The following ITGB8 variants were observed in gnomAD, a reference collection of about 807,000 sequenced individuals.
ITGB8 encodes integrin beta-8.
Under a neutral mutation model 89.5 loss-of-function variants are expected in ITGB8, and 30 were observed. The ratio of observed to expected loss-of-function variants is 0.34; its 90% confidence interval spans 0.25 to 0.45. The LOEUF (loss-of-function observed/expected upper bound fraction) is 0.45, where lower values mean the gene tolerates loss of function less well. Among genes scored for constraint, ITGB8 ranks in the 20% least tolerant of loss-of-function variants. ITGB8 has a pLI of 1.00. For missense variants in ITGB8, 836 were observed against 933.3 expected (o/e 0.90, Z 1.36); for synonymous variants, 335 against 320.4 (o/e 1.05, Z -0.49).
At chr7:20,360,495 C>T (rs2127939017) in intron 1 of ITGB8, among the ~76,000 whole-genome samples, 1 of 152,008 alleles carries the variant, frequency 6.6e-6, no homozygotes, top group East Asian at 1.9e-4. Flanking sequence ...ATCCCTCAGC[C>T]CTCTCCCAAA....
intron 1 of ITGB8, among the ~76,000 whole-genome samples, chr7:20,355,481 C>T (rs1188473385): frequency 1.3e-5 from 2 of 152,170 alleles, no homozygotes; most frequent in Non-Finnish European, 2.9e-5. Context: ...CATTATTGTA[C>T]TACCTCCTTC....
chr7:20,373,997 C>G (rs187858458), intron 3 of ITGB8, among the ~76,000 whole-genome samples: 4 of 152,290 alleles, frequency 2.6e-5, no homozygotes, highest in African/African-American at 9.6e-5. Flanking sequence ...AACTCTCCTC[C>G]ATGTCTTCTT....
chr7:20,411,927 TG>T lies in ITGB8; in HGVS notation c.*1932del, dbSNP rs994378971. On this transcript the variant is annotated 3_prime_UTR_variant, in exon 14 of 14. Transcript: ENST00000222573. ...TTTATTTACACTTACCTTATCCCTA[TG>T]GACTTAGTCTGATTTTATTGGCTAG... 6.6e-6 allele frequency: 1 copy of T among 152,646 alleles called. No homozygotes were observed. Among genetic ancestry groups the T allele is most frequent in the African/African-American group, 2.4e-5 (1 of 41,474 alleles). 9.5% of individuals were successfully genotyped at this position (152,646 alleles called of 1,614,324 possible).
chr7:20,367,413 T>C (rs1785746275), intron 3 of ITGB8, among the ~76,000 whole-genome samples: 1 of 152,158 alleles, frequency 6.6e-6, no homozygotes, highest in Admixed American at 6.5e-5. Context: ...ATGTGTTCTG[T>C]TCACATAATC....
At chr7:20,343,166 G>A (rs1784818738) in intron 1 of ITGB8, among the ~76,000 whole-genome samples, 1 of 152,196 alleles carries the variant, frequency 6.6e-6, no homozygotes, top group South Asian at 2.1e-4. Flanking sequence ...GAAATGGGAT[G>A]TTGGATATTG....
intron 2 of ITGB8, chr7:20,366,026 C>G (rs1290418061): frequency 6.6e-6 from 1 of 152,030 alleles, no homozygotes; most frequent in Non-Finnish European, 1.5e-5. Context: ...AGTTTGCTTG[C>G]ACTATTATGT....
chr7:20,407,600 C>T (rs1264846977), intron 12 of ITGB8, among the ~76,000 whole-genome samples: 1 of 152,132 alleles, frequency 6.6e-6, no homozygotes, highest in African/African-American at 2.4e-5. Flanking sequence ...CTCACATCCA[C>T]ACTGATCTTA....
intron 5 of ITGB8, chr7:20,381,469 C>A: frequency 6.9e-6 from 2 of 289,396 alleles, no homozygotes; most frequent in Non-Finnish European, 6.4e-6. Context: ...GCCTCTCCTA[C>A]TTTTTAATCT....
At chr7:20,360,461 A>G (rs1272013562) in intron 1 of ITGB8, among the ~76,000 whole-genome samples, 1 of 129,498 alleles carries the variant, frequency 7.7e-6, no homozygotes, top group East Asian at 2.4e-4. Flanking sequence ...CAAATTGTGT[A>G]CATTACACAA....
At chr7:20,389,945 T>G (rs975932719) in intron 6 of ITGB8, among the ~76,000 whole-genome samples, 1 of 152,172 alleles carries the variant, frequency 6.6e-6, no homozygotes, top group Admixed American at 6.5e-5. Flanking sequence ...CTTCATTAGT[T>G]GGTTTCATAT....
rs1264191915 is a variant in ITGB8 at position 20,370,677 on chromosome 7, C to G, written c.388+3491C>G. ...CCAGGCTGGAATACAGTGGTGCGAT[C>G]TCAGCTCGCTGCAACCTCTGCCTCC... On this transcript the variant is annotated intron_variant, in intron 3 of 13. Transcript: ENST00000222573. 2.0e-5 allele frequency among the ~76,000 whole-genome samples: 3 copies of G among 151,848 alleles called. No homozygotes were observed. The East Asian group carries it at 5.8e-4, about 29-fold the overall frequency.
chr7:20,408,897 T>A (rs1787655968), intron 12 of ITGB8, among the ~76,000 whole-genome samples: 1 of 152,166 alleles, frequency 6.6e-6, no homozygotes, highest in Non-Finnish European at 1.5e-5. Flanking sequence ...TATTTATTCT[T>A]AAAATACACA....
In ITGB8 at chr7:20,414,719, C is replaced by T. The variant is rs1394550256; in HGVS notation, c.*4722C>T. 2 of 152,490 alleles carry T rather than the reference C, an allele frequency of 1.3e-5. No individual in the cohort carries two copies. The highest frequency in any genetic ancestry group is 2.9e-5 in the Non-Finnish European group (2 of 67,968). The allele number at this position is 152,490 out of a possible 1,614,324, so 9.4% of individuals were successfully genotyped here. ...AGCTTATGTAACGACTGTTATAAAACTGCATATTTAAATTATTTGAATTAT... is the reference window on the plus strand; with the variant it reads ...AGCTTATGTAACGACTGTTATAAAATTGCATATTTAAATTATTTGAATTAT... On this transcript the variant is annotated 3_prime_UTR_variant, in exon 14 of 14. Transcript: ENST00000222573.
rs528099051 is a variant in ITGB8, at chr7:20,373,586, T to C, written c.389-5465T>C. 2.0e-5 allele frequency among the ~76,000 whole-genome samples: 3 copies of C among 152,322 alleles called. No individual in the cohort carries two copies. The East Asian group carries it at 5.8e-4, about 29-fold the overall frequency. On this transcript the variant is annotated intron_variant, in intron 3 of 13. Coordinates refer to ENST00000222573, the MANE Select transcript of ITGB8 (RefSeq NM_002214.3). ...TCACCTGTTTCTTAATTTCAAAATT[T>C]AGAAAACAAAACAGAACTTGCACAT...
intron 1 of ITGB8, among the ~76,000 whole-genome samples, chr7:20,339,532 G>C (rs1006496910): frequency 2.6e-5 from 4 of 152,002 alleles, no homozygotes; most frequent in Admixed American, 2.0e-4. Context: ...ATTCTTGCTA[G>C]GAAACTACTA....
intron 1 of ITGB8, among the ~76,000 whole-genome samples, chr7:20,338,202 G>C (rs1464827512): frequency 6.6e-6 from 1 of 152,180 alleles, no homozygotes; most frequent in African/African-American, 2.4e-5. Flanking sequence ...AAGGAAGATA[G>C]AACTTATTTT....
In ITGB8 at chr7:20,401,906, C is replaced by T; in HGVS notation, c.1467C>T (p.Ser489=). 1 of 1,613,954 alleles carries T rather than the reference C, an allele frequency of 6.2e-7. No individual in the cohort carries two copies. ...GKCVDETFLD[S]KCFQCDENKC... ...GTGTAGATGAAACTTTTCTAGATTC[C>T]AAGTGTTTCCAGTGTGATGAGAATA... The change falls in exon 10 of 14, where the codon TCC becomes TCT. Residue 489 remains serine (S), a synonymous_variant. Transcript: ENST00000222573.
At chr7:20,354,951 T>C (rs901978202) in intron 1 of ITGB8, among the ~76,000 whole-genome samples, 2 of 152,194 alleles carry the variant, frequency 1.3e-5, no homozygotes, top group Non-Finnish European at 2.9e-5. Flanking sequence ...TACACTCTAA[T>C]CATTTATCAC....
intron 3 of ITGB8, among the ~76,000 whole-genome samples, chr7:20,374,125 G>C (rs1210881689): frequency 6.6e-6 from 1 of 152,116 alleles, no homozygotes; most frequent in African/African-American, 2.4e-5. Flanking sequence ...TAATATAAGT[G>C]GTGGCAGGAA....
Sources: allele counts gnomAD v4.1 joint callset (sites outside exome capture counted in the v4.1 genomes callset), GRCh38; gene constraint gnomAD v4.1.1; transcripts MANE v1.5; gene names NCBI Gene and HGNC (gene_info 2026-07-23, HGNC 2026-07-21).